The following ST6GALNAC5 variants were observed in gnomAD, a reference collection of about 807,000 sequenced individuals.
ST6GALNAC5 encodes the protein ST6 N-acetylgalactosaminide alpha-2,6-sialyltransferase 5.
Under a neutral mutation model 33.6 loss-of-function variants are expected in ST6GALNAC5, and 27 were observed. The observed-to-expected ratio is 0.80, with a 90% CI of 0.59 to 1.11. The LOEUF (loss-of-function observed/expected upper bound fraction) is 1.11. Ranked by LOEUF, ST6GALNAC5 falls within the 50% of genes least tolerant of loss-of-function variation. The pLI, the probability that ST6GALNAC5 is intolerant of heterozygous loss-of-function variation, is 0.00. For synonymous variants in ST6GALNAC5, 194 were observed against 171.2 expected (o/e 1.13, Z -1.04); for missense variants, 428 against 454.0 (o/e 0.94, Z 0.52).
chr1:76,887,351 T>C (rs1262303627), intron 2 of ST6GALNAC5, among the ~76,000 whole-genome samples: 1 of 152,240 alleles, frequency 6.6e-6, no homozygotes, highest in African/African-American at 2.4e-5. Flanking sequence ...TGCATTCTTT[T>C]TCAGACCTAA....
chr1:77,022,140 A>G (rs1163039337), intron 2 of ST6GALNAC5, among the ~76,000 whole-genome samples: 4 of 152,214 alleles, frequency 2.6e-5, no homozygotes, highest in Non-Finnish European at 4.4e-5. Context: ...TATTCTAATG[A>G]AAGCTTTCAC....
At chr1:77,045,756 G>T (rs1651987321) in intron 3 of ST6GALNAC5, among the ~76,000 whole-genome samples, 1 of 152,174 alleles carries the variant, frequency 6.6e-6, no homozygotes, top group South Asian at 2.1e-4. Context: ...CCCTGTGGCT[G>T]CAGTCAGGAG....
chr1:77,009,781 A>C (rs1650563516), intron 2 of ST6GALNAC5, among the ~76,000 whole-genome samples: 1 of 152,174 alleles, frequency 6.6e-6, no homozygotes, highest in African/African-American at 2.4e-5. Context: ...AAGTGTCTTC[A>C]GCTTTCTTAC....
At chr1:76,896,325 C>T (rs963807217) in intron 2 of ST6GALNAC5, among the ~76,000 whole-genome samples, 2 of 152,128 alleles carry the variant, frequency 1.3e-5, no homozygotes, top group African/African-American at 2.4e-5. Context: ...TGGGGTAAAT[C>T]CTCGAGCTTG....
At chr1:77,008,374 G>C (rs759393485) in intron 2 of ST6GALNAC5, among the ~76,000 whole-genome samples, 1 of 152,166 alleles carries the variant, frequency 6.6e-6, no homozygotes, top group Non-Finnish European at 1.5e-5. Context: ...TTGGGCAAAT[G>C]ACTTAACCTC....
chr1:77,000,773 C>G (rs1276267197), intron 2 of ST6GALNAC5, among the ~76,000 whole-genome samples: 4 of 151,464 alleles, frequency 2.6e-5, no homozygotes, highest in Non-Finnish European at 5.9e-5. Flanking sequence ...GCTTGTTTTT[C>G]TCAGGTTTGT....
Position 76,868,661 on chromosome 1 carries a change from G to A in ST6GALNAC5, c.180G>A (p.Ala60=). The part of the protein sequence containing the change: ...ASATGSSQPA[A]ESSTQQRPGV... ...CCACCGGCAGCTCGCAGCCGGCGGCGGAGAGCAGCACCCAGCAGCGCCCCG... is the reference window on the plus strand; with the variant it reads ...CCACCGGCAGCTCGCAGCCGGCGGCAGAGAGCAGCACCCAGCAGCGCCCCG... The change falls in exon 2 of 5, where the codon GCG becomes GCA. Residue 60 remains alanine (A), a synonymous_variant. Coordinates refer to ENST00000477717, the MANE Select transcript of ST6GALNAC5 (RefSeq NM_030965.3). This position sits in a 1 kb window ranked among gnomAD's most constrained non-coding sequence, Gnocchi z 4.3. 1.9e-6 allele frequency: 3 copies of A among 1,589,496 alleles called. No individual in the cohort carries two copies. The highest frequency in any genetic ancestry group is 2.6e-6 in the Non-Finnish European group (3 of 1,166,880).
intron 2 of ST6GALNAC5, among the ~76,000 whole-genome samples, chr1:76,948,681 G>C (rs1166706748): frequency 6.7e-6 from 1 of 149,198 alleles, no homozygotes; most frequent in Non-Finnish European, 1.5e-5. Flanking sequence ...ATATAAATAA[G>C]AATATCCTTC....
intron 2 of ST6GALNAC5, among the ~76,000 whole-genome samples, chr1:76,886,510 G>A (rs1653899155): frequency 6.6e-6 from 1 of 152,114 alleles, no homozygotes; most frequent in Non-Finnish European, 1.5e-5. Context: ...TATATGTCTT[G>A]GTTGATGGCT....
chr1:77,040,896 G>T (rs375663711), intron 2 of ST6GALNAC5, among the ~76,000 whole-genome samples: 2 of 152,194 alleles, frequency 1.3e-5, no homozygotes, highest in South Asian at 4.1e-4. Flanking sequence ...TAAGTCCTCA[G>T]TGAAGGTCTT....
At chr1:76,981,647 A>C (rs1348641891) in intron 2 of ST6GALNAC5, among the ~76,000 whole-genome samples, 1 of 66,634 alleles carries the variant, frequency 1.5e-5, no homozygotes, top group Non-Finnish European at 3.2e-5. Flanking sequence ...TTCTCCCAGC[A>C]TTGCATTTGA....
intron 2 of ST6GALNAC5, among the ~76,000 whole-genome samples, chr1:77,030,307 C>G (rs985084726): frequency 2.0e-5 from 3 of 152,248 alleles, no homozygotes; most frequent in Non-Finnish European, 4.4e-5. Context: ...AGCACTGACA[C>G]TAGCTGTGCT....
chr1:76,906,531 G>A (rs910306381), intron 2 of ST6GALNAC5, among the ~76,000 whole-genome samples: 2 of 152,150 alleles, frequency 1.3e-5, no homozygotes, highest in African/African-American at 4.8e-5. Flanking sequence ...GCCTCTTAAA[G>A]TGTTTAATTT....
intron 4 of ST6GALNAC5, among the ~76,000 whole-genome samples, chr1:77,059,951 C>T (rs1283065969): frequency 6.6e-6 from 1 of 151,724 alleles, no homozygotes; most frequent in African/African-American, 2.4e-5. Flanking sequence ...TATTTTGGTT[C>T]AAACCTAAGA....
chr1:76,945,273 A>C (rs1340179075), intron 2 of ST6GALNAC5, among the ~76,000 whole-genome samples: 1 of 152,118 alleles, frequency 6.6e-6, no homozygotes, highest in Non-Finnish European at 1.5e-5. Context: ...GTGGGAGAAA[A>C]AAAAAAGGAA....
Position 76,948,667 on chromosome 1 carries a change from A to G in ST6GALNAC5, c.261+79925A>G, listed in dbSNP as rs531366841. Reference sequence around the variant, plus strand: ...ATTTACCCTTATATTTGGAATAAGTAAGAATATAAATAAGAATATCCTTCT... The same window carrying G: ...ATTTACCCTTATATTTGGAATAAGTGAGAATATAAATAAGAATATCCTTCT... On this transcript the variant is annotated intron_variant, in intron 2 of 4. Transcript: ENST00000477717. Among the ~76,000 whole-genome samples, 114 of 151,608 alleles carry G rather than the reference A, an allele frequency of 7.5e-4. 1 individual carries two copies. The highest frequency in any genetic ancestry group is 2.6e-3 in the African/African-American group (107 of 41,378).
chr1:76,996,303 G>C (rs1477136899), intron 2 of ST6GALNAC5, among the ~76,000 whole-genome samples: 3 of 152,228 alleles, frequency 2.0e-5, no homozygotes, highest in Non-Finnish European at 4.4e-5. Flanking sequence ...GTGTAAGGCA[G>C]TGATCACATC....
chr1:76,943,430 A>G (rs918289194), intron 2 of ST6GALNAC5, among the ~76,000 whole-genome samples: 3 of 152,120 alleles, frequency 2.0e-5, no homozygotes, highest in Admixed American at 2.0e-4. Flanking sequence ...GAGTTCTTCG[A>G]CTACAGGTAC....
At chr1:76,931,063 T>C (rs963815403) in intron 2 of ST6GALNAC5, among the ~76,000 whole-genome samples, 5 of 152,096 alleles carry the variant, frequency 3.3e-5, no homozygotes, top group Non-Finnish European at 7.4e-5. Flanking sequence ...TCAGCACCCA[T>C]CCTTCTGGAG....
Sources: allele counts gnomAD v4.1 joint callset (sites outside exome capture counted in the v4.1 genomes callset), GRCh38; gene constraint gnomAD v4.1.1; non-coding constraint Gnocchi (gnomAD v3.1); transcripts MANE v1.5; gene names NCBI Gene and HGNC (gene_info 2026-07-23, HGNC 2026-07-21).